Variants in JARID2 observed in about 807,000 individuals in gnomAD.
The protein encoded by JARID2 is jumonji and AT-rich interaction domain containing 2.
A neutral mutation model predicts 125.6 loss-of-function variants in JARID2; 21 were observed. That is an observed-to-expected ratio of 0.17 (90% CI 0.12 to 0.24). The LOEUF (loss-of-function observed/expected upper bound fraction) is 0.24, where lower values mean the gene tolerates loss of function less well. Among genes scored for constraint, JARID2 ranks in the 10% least tolerant of loss-of-function variants. JARID2 has a pLI of 1.00. For synonymous variants in JARID2, 736 were observed against 661.6 expected (o/e 1.11, Z -1.73); for missense variants, 1,303 against 1,639.6 (o/e 0.79, Z 3.55).
At chr6:15,344,917 G>T (rs916482845) in intron 1 of JARID2, among the ~76,000 whole-genome samples, 1 of 152,168 alleles carries the variant, frequency 6.6e-6, no homozygotes, top group South Asian at 2.1e-4. Flanking sequence ...TCATTCTTTT[G>T]TGTGGATAGT....
At chr6:15,297,545 T>TA (rs1008892078) in intron 1 of JARID2, among the ~76,000 whole-genome samples, 4 of 151,940 alleles carry the variant, frequency 2.6e-5, no homozygotes, top group Non-Finnish European at 5.9e-5. Context: ...CTCGCTGTGT[T>TA]ACCCAGGCTA....
At chr6:15,495,697 A>ATG (rs1346109509) in intron 6 of JARID2, among the ~76,000 whole-genome samples, 1 of 152,160 alleles carries the variant, frequency 6.6e-6, no homozygotes, top group Non-Finnish European at 1.5e-5. Flanking sequence ...GAACAGGGAT[A>ATG]TGTGTGTGTG....
In JARID2 at chr6:15,496,850, C is replaced by G; in HGVS notation, c.1625C>G (p.Ala542Gly). The change falls in exon 7 of 18, where the codon GCC (alanine) becomes GGC (glycine). Residue 542 changes from alanine (A) to glycine (G), a missense_variant. Around this residue, in one of 11 missense-constraint regions of JARID2, gnomAD observed 651 missense variants for 581.6 expected, o/e 1.12. Transcript: ENST00000341776. ...CACAAGCCGCAGGACTCGGGCAAGG[C>G]CGAGAAGGGCGGCGGCAAGGCCGGG... ...SVHKPQDSGK[A>G]EKGGGKAGWA... The G allele has an allele frequency of 6.2e-7, 1 of 1,601,460 alleles. No homozygotes were observed. The highest frequency in any genetic ancestry group is 8.5e-7 in the Non-Finnish European group (1 of 1,171,714).
chr6:15,261,844 C>T (rs905463808), intron 1 of JARID2, among the ~76,000 whole-genome samples: 4 of 143,082 alleles, frequency 2.8e-5, no homozygotes, highest in South Asian at 2.2e-4. Flanking sequence ...AGTGCAGTGG[C>T]GCAATCTTGG....
intron 2 of JARID2, among the ~76,000 whole-genome samples, chr6:15,375,404 A>G (rs77241933): frequency 4.6e-5 from 7 of 152,360 alleles, no homozygotes; most frequent in Non-Finnish European, 1.0e-4. Context: ...CATTAAGGCC[A>G]TAGTGGCTCA....
chr6:15,428,607 A>T (rs1459729481), intron 3 of JARID2, among the ~76,000 whole-genome samples: 1 of 152,152 alleles, frequency 6.6e-6, no homozygotes, highest in Non-Finnish European at 1.5e-5. Context: ...AACTCATGCA[A>T]TGATAGAATC....
intron 1 of JARID2, among the ~76,000 whole-genome samples, chr6:15,297,210 G>T (rs1761446575): frequency 1.3e-5 from 2 of 152,156 alleles, no homozygotes; most frequent in African/African-American, 2.4e-5. Flanking sequence ...GAGTGCAGTG[G>T]TGTGATCTTG....
intron 5 of JARID2, among the ~76,000 whole-genome samples, chr6:15,474,400 T>C (rs1160222128): frequency 6.6e-6 from 1 of 152,074 alleles, no homozygotes; most frequent in African/African-American, 2.4e-5. Context: ...TTTTTGTCTG[T>C]TCATTTCTTA....
At chr6:15,255,120 A>G (rs956286566) in intron 1 of JARID2, among the ~76,000 whole-genome samples, 1 of 147,612 alleles carries the variant, frequency 6.8e-6, no homozygotes, top group Non-Finnish European at 1.5e-5. Flanking sequence ...CGTCATACAC[A>G]TTGGTAAACT....
rs10577382 is a variant in JARID2, at chr6:15,327,528, AGTGTGTGTGT to A, written c.46-46575_46-46566del. Among the ~76,000 whole-genome samples, 98 of 149,380 alleles carry A rather than the reference AGTGTGTGTGT, an allele frequency of 6.6e-4. 1 individual carries two copies. The highest frequency in any genetic ancestry group is 8.9e-4 in the Non-Finnish European group (60 of 67,218). On this transcript the variant is annotated intron_variant, in intron 1 of 17. Transcript: ENST00000341776. ...GCTGCCATCCCTTCCATTCTGGAAGAGTGTGTGTGTGTGTGTGTGTGTGCGCGTGTGTGTG... is the reference window on the plus strand; with the variant it reads ...GCTGCCATCCCTTCCATTCTGGAAGAGTGTGTGTGTGTGCGCGTGTGTGTG...
chr6:15,479,926 A>G (rs1166088831), intron 5 of JARID2, among the ~76,000 whole-genome samples: 1 of 152,240 alleles, frequency 6.6e-6, no homozygotes, highest in Non-Finnish European at 1.5e-5. Context: ...CAGACATTCC[A>G]TTGTTTTCAG....
intron 2 of JARID2, among the ~76,000 whole-genome samples, chr6:15,375,413 C>T (rs1402390989): frequency 1.3e-5 from 2 of 152,166 alleles, no homozygotes; most frequent in Admixed American, 6.5e-5. Flanking sequence ...CATAGTGGCT[C>T]AGTCATGTGT....
intron 4 of JARID2, among the ~76,000 whole-genome samples, chr6:15,459,256 C>T (rs550212239): frequency 6.6e-6 from 1 of 152,146 alleles, no homozygotes; most frequent in African/African-American, 2.4e-5. Flanking sequence ...CCTTTTGATA[C>T]CAAAATTCAT....
chr6:15,501,502 T>C lies in JARID2; in HGVS notation c.2448+93T>C, dbSNP rs551416467. The C allele has an allele frequency of 3.2e-4, 411 of 1,266,020 alleles. No homozygotes were observed. The African/African-American group carries it at 6.0e-3, about 18-fold the overall frequency. 78.4% of individuals were successfully genotyped at this position (1,266,020 alleles called of 1,614,324 possible). A position where few individuals can be genotyped will look rare whatever the true frequency, so the allele number is the denominator to read the frequency against. Reference sequence around the variant, plus strand: ...GCGTGCTATGCACTGGACGGTGTGTTCTCTGATTCCCTGGGGTGATGAGGG... The same window carrying C: ...GCGTGCTATGCACTGGACGGTGTGTCCTCTGATTCCCTGGGGTGATGAGGG... On this transcript the variant is annotated intron_variant, in intron 8 of 17. Transcript: ENST00000341776.
intron 2 of JARID2, among the ~76,000 whole-genome samples, chr6:15,381,269 G>A (rs1764573904): frequency 6.6e-6 from 1 of 150,702 alleles, no homozygotes; most frequent in Non-Finnish European, 1.5e-5. Flanking sequence ...GTGAACCTGG[G>A]ATGCGGAGCT....
chr6:15,350,302 C>A (rs950472493), intron 1 of JARID2, among the ~76,000 whole-genome samples: 18 of 152,158 alleles, frequency 1.2e-4, no homozygotes, highest in Non-Finnish European at 2.1e-4. Flanking sequence ...GCATGTTGAC[C>A]AAGCACCTGA....
At chr6:15,295,687 G>C (rs1280517995) in intron 1 of JARID2, among the ~76,000 whole-genome samples, 1 of 152,024 alleles carries the variant, frequency 6.6e-6, no homozygotes, top group Non-Finnish European at 1.5e-5. Flanking sequence ...TTTTTGAGAC[G>C]GAGTCTCGCT....
At chr6:15,279,499 G>A (rs1760670522) in intron 1 of JARID2, among the ~76,000 whole-genome samples, 1 of 152,202 alleles carries the variant, frequency 6.6e-6, no homozygotes, top group Admixed American at 6.5e-5. Context: ...GGTCGTGGAA[G>A]TATGTGCCCA....
At chr6:15,493,546 C>T (rs1416500270) in intron 6 of JARID2, among the ~76,000 whole-genome samples, 1 of 152,048 alleles carries the variant, frequency 6.6e-6, no homozygotes. Context: ...CAGATTGCAC[C>T]CCTACAGGTT....
Sources: gnomAD v4.1 joint callset for allele counts (sites outside exome capture counted in the v4.1 genomes callset) on GRCh38, gnomAD v4.1.1 for gene constraint, gnomAD v4.1.1 regional missense constraint, MANE v1.5 for transcripts, NCBI Gene and HGNC (gene_info 2026-07-23, HGNC 2026-07-21) for gene names.